The following ETV6 variants were observed in gnomAD, a reference collection of about 807,000 sequenced individuals.
ETV6 encodes the protein ETS variant transcription factor 6, also known as transcription factor ETV6.
ETV6 carries 16 observed loss-of-function variants against 51.1 expected under a neutral mutation model. That is an observed-to-expected ratio of 0.31 (90% CI 0.21 to 0.48). ETV6 has a LOEUF of 0.48. Among genes scored for constraint, ETV6 ranks in the 20% least tolerant of loss-of-function variants. The pLI is 0.99. For synonymous variants in ETV6, 240 were observed against 224.1 expected, an observed-to-expected ratio of 1.07 and a Z score of -0.64; for missense variants, 458 against 594.8, an observed-to-expected ratio of 0.77 and a Z score of 2.39.
chr12:11,686,949 A>C (rs563784291), intron 1 of ETV6, among the ~76,000 whole-genome samples: 122 of 151,868 alleles, frequency 8.0e-4, no homozygotes, highest in African/African-American at 2.8e-3. Flanking sequence ...GCAGTGGCAA[A>C]ATCTCAGCTT....
At chr12:11,750,951 C>T (rs1309413583) in intron 1 of ETV6, 1 of 450,262 alleles carries the variant, frequency 2.2e-6, no homozygotes, top group East Asian at 5.6e-5. Flanking sequence ...TGACTTTTTA[C>T]AGGACATCTT....
chr12:11,841,999 G>C lies in ETV6; in HGVS notation c.328+2695G>C, dbSNP rs1016883192. On this transcript the variant is annotated intron_variant, in intron 3 of 7. Coordinates refer to ENST00000396373, the MANE Select transcript of ETV6 (RefSeq NM_001987.5). ...TGGGAGGCTGAGGCAGGAGAATGGC[G>C]TGAACCCGGGAGGCGGAGCTTGCAG... is the stretch of plus-strand genomic sequence containing the variant. Among the ~76,000 whole-genome samples, 8 of 150,208 alleles carry C rather than the reference G, an allele frequency of 5.3e-5. No homozygotes were observed. In the East Asian group the frequency reaches 9.8e-4, roughly 18 times the overall value.
At chr12:11,657,102 G>C (rs985787075) in intron 1 of ETV6, among the ~76,000 whole-genome samples, 1 of 152,182 alleles carries the variant, frequency 6.6e-6, no homozygotes. Context: ...CTAGTGAAGA[G>C]AGTCTTCAGA....
chr12:11,798,742 C>T (rs980585822), intron 2 of ETV6, among the ~76,000 whole-genome samples: 2 of 152,194 alleles, frequency 1.3e-5, no homozygotes, highest in Non-Finnish European at 2.9e-5. Flanking sequence ...CCTACCTTCA[C>T]TTTGAGTTAC....
chr12:11,694,280 C>G (rs911899473), intron 1 of ETV6, among the ~76,000 whole-genome samples: 3 of 152,140 alleles, frequency 2.0e-5, no homozygotes, highest in African/African-American at 7.2e-5. Context: ...TATTTAACCC[C>G]TGAGGCTCAG....
chr12:11,867,958 C>G (rs900953401), intron 4 of ETV6, among the ~76,000 whole-genome samples: 10 of 152,166 alleles, frequency 6.6e-5, no homozygotes, highest in African/African-American at 2.4e-4. Context: ...TTCCCCGACC[C>G]AGCCCTCAGA....
intron 2 of ETV6, among the ~76,000 whole-genome samples, chr12:11,817,613 C>T (rs1407474251): frequency 1.3e-5 from 2 of 152,152 alleles, no homozygotes; most frequent in Non-Finnish European, 2.9e-5. Context: ...TTGTAGGGTA[C>T]GTTCCATTTT....
chr12:11,696,539 C>T (rs765668348), intron 1 of ETV6, among the ~76,000 whole-genome samples: 8 of 152,188 alleles, frequency 5.3e-5, no homozygotes, highest in Non-Finnish European at 7.3e-5. Flanking sequence ...AGGTTCCCAG[C>T]CAGGCGCAGT....
intron 1 of ETV6, among the ~76,000 whole-genome samples, chr12:11,742,137 A>T (rs551273344): frequency 6.6e-6 from 1 of 152,386 alleles, no homozygotes; most frequent in Admixed American, 6.5e-5. Flanking sequence ...TCTTAACTAC[A>T]GGGCTACAAG....
intron 1 of ETV6, among the ~76,000 whole-genome samples, chr12:11,746,790 C>CTT (rs56135545): frequency 7.6e-5 from 9 of 118,640 alleles, no homozygotes; most frequent in African/African-American, 2.5e-4. Context: ...CTCTCTCTCT[C>CTT]TTTTTTTTTT....
chr12:11,841,354 G>C (rs1946388278), intron 3 of ETV6, among the ~76,000 whole-genome samples: 1 of 152,188 alleles, frequency 6.6e-6, no homozygotes, highest in Non-Finnish European at 1.5e-5. Context: ...AAGAAGGCTG[G>C]AGGAGGGAGA....
chr12:11,761,064 T>C (rs1945079950), intron 2 of ETV6, among the ~76,000 whole-genome samples: 1 of 152,174 alleles, frequency 6.6e-6, no homozygotes, highest in South Asian at 2.1e-4. Flanking sequence ...CCAGAGAAAG[T>C]GGAGGAGCCC....
intron 4 of ETV6, among the ~76,000 whole-genome samples, chr12:11,864,452 G>A (rs932693704): frequency 6.6e-6 from 1 of 152,142 alleles, no homozygotes; most frequent in Non-Finnish European, 1.5e-5. Context: ...GAGACATTCT[G>A]TAAATGGCAT....
intron 3 of ETV6, among the ~76,000 whole-genome samples, chr12:11,843,045 A>G (rs971673619): frequency 1.3e-5 from 2 of 152,228 alleles, no homozygotes; most frequent in Admixed American, 1.3e-4. Context: ...GTAGAATTTT[A>G]TGAGCTGGGG....
intron 2 of ETV6, among the ~76,000 whole-genome samples, chr12:11,809,579 T>C (rs961533122): frequency 1.2e-4 from 18 of 152,166 alleles, no homozygotes; most frequent in Admixed American, 9.8e-4. Flanking sequence ...TTTTAAATTA[T>C]TTTACCAAAA....
chr12:11,807,371 G>C (rs1378356731), intron 2 of ETV6, among the ~76,000 whole-genome samples: 1 of 152,158 alleles, frequency 6.6e-6, no homozygotes, highest in African/African-American at 2.4e-5. Flanking sequence ...AGAGAAAATT[G>C]GTAGAGTGAA....
At chr12:11,713,341 G>A (rs1271194181) in intron 1 of ETV6, among the ~76,000 whole-genome samples, 1 of 152,118 alleles carries the variant, frequency 6.6e-6, no homozygotes, top group Non-Finnish European at 1.5e-5. Flanking sequence ...TACTCAAATT[G>A]AACTCTCCTT....
chr12:11,650,331 G>A (rs1356261180), intron 1 of ETV6, among the ~76,000 whole-genome samples, 171 bp downstream of exon 1: 1 of 129,304 alleles, frequency 7.7e-6, no homozygotes, highest in African/African-American at 2.7e-5. Flanking sequence ...ACCCTTTAGC[G>A]TAACCTTGCT....
chr12:11,652,980 A>T (rs1863935002), intron 1 of ETV6, among the ~76,000 whole-genome samples: 2 of 151,166 alleles, frequency 1.3e-5, no homozygotes, highest in African/African-American at 4.9e-5. Context: ...GGGCACTGAA[A>T]CTCTCACTGA....
Sources: gnomAD v4.1 joint callset for allele counts (sites outside exome capture counted in the v4.1 genomes callset) on GRCh38, gnomAD v4.1.1 for gene constraint, MANE v1.5 for transcripts, NCBI Gene and HGNC (gene_info 2026-07-23, HGNC 2026-07-21) for gene names.